Variants in RYR3 observed in about 807,000 individuals in gnomAD.
RYR3 encodes the protein brain ryanodine receptor-calcium release channel.
RYR3 carries 207 observed loss-of-function variants against 584.3 expected under a neutral mutation model. That is an observed-to-expected ratio of 0.35 (90% confidence interval 0.32 to 0.40). RYR3 has a LOEUF of 0.40. RYR3 is among the 10% of genes least tolerant of loss of function. RYR3 has a pLI of 1.00. For missense variants in RYR3, 5,616 were observed against 6,089.2 expected (o/e 0.92, Z 2.59); for synonymous variants, 2,416 against 2,248.5 (o/e 1.07, Z -2.11).
chr15:33,493,862 C>G lies in RYR3; in HGVS notation c.172-9769C>G, dbSNP rs549583846. On this transcript the variant is annotated intron_variant, in intron 2 of 103. Coordinates refer to ENST00000634891, the MANE Select transcript of RYR3 (RefSeq NM_001036.6). ...CTTTAAGAGGCTGAGGCGGGAGAGT[C>G]TCTTGAGCCTAGGAATTGGAGTTCA... is the stretch of plus-strand genomic sequence containing the variant. Among the ~76,000 whole-genome samples, 505 of 152,258 alleles carry G rather than the reference C, an allele frequency of 3.3e-3. 3 individuals carry two copies. Among genetic ancestry groups the G allele is most frequent in the African/African-American group, 0.012 (478 of 41,544 alleles).
At chr15:33,666,062 T>G (rs1262858606) in intron 36 of RYR3, among the ~76,000 whole-genome samples, 1 of 152,188 alleles carries the variant, frequency 6.6e-6, no homozygotes, top group Non-Finnish European at 1.5e-5. Flanking sequence ...TGGGATGCAG[T>G]GGCATGGTAT....
At chr15:33,451,769 A>G (rs2047151051) in intron 1 of RYR3, among the ~76,000 whole-genome samples, 2 of 152,236 alleles carry the variant, frequency 1.3e-5, no homozygotes, top group African/African-American at 4.8e-5. Flanking sequence ...TTTCTGCTTT[A>G]TAGTTTATAG....
At chr15:33,562,086 A>C (rs564674123) in intron 10 of RYR3, among the ~76,000 whole-genome samples, 1 of 152,178 alleles carries the variant, frequency 6.6e-6, no homozygotes, top group Non-Finnish European at 1.5e-5. Flanking sequence ...GCCCTGATTG[A>C]TGAGGAGGGG....
intron 93 of RYR3, 88 bp downstream of exon 93, chr15:33,845,150 T>G: frequency 7.2e-7 from 1 of 1,396,784 alleles, no homozygotes; most frequent in Non-Finnish European, 9.9e-7. Flanking sequence ...CTCTAAGACT[T>G]TGCTAGCCGT....
chr15:33,580,831 A>G (rs1022969385), intron 13 of RYR3, among the ~76,000 whole-genome samples: 1 of 152,182 alleles, frequency 6.6e-6, no homozygotes, highest in Non-Finnish European at 1.5e-5. Context: ...AAACCATCCC[A>G]GCTCAGTCTT....
intron 1 of RYR3, among the ~76,000 whole-genome samples, chr15:33,331,597 T>C (rs919785673): frequency 6.6e-6 from 1 of 151,814 alleles, no homozygotes; most frequent in Non-Finnish European, 1.5e-5. Context: ...TGAGAGAAAA[T>C]AGGATATTCA....
chr15:33,820,919 C>G lies in RYR3; in HGVS notation c.10815+107C>G, dbSNP rs920123654. 9.4e-5 allele frequency: 9 copies of G among 95,408 alleles called. 2 individuals are homozygous for G. The highest frequency in any genetic ancestry group is 1.3e-4 in the Non-Finnish European group (9 of 67,186). 5.9% of individuals were successfully genotyped at this position (95,408 alleles called of 1,614,324 possible). ...CCTATTGAGCATTTCCTGCATTCAG[C>G]CAGAAATACTCAAGTTGACCCCTCA... On this transcript the variant is annotated intron_variant, in intron 78 of 103. Coordinates refer to ENST00000634891, the MANE Select transcript of RYR3 (RefSeq NM_001036.6).
chr15:33,561,597 G>T (rs777858386), intron 10 of RYR3, among the ~76,000 whole-genome samples: 1 of 152,132 alleles, frequency 6.6e-6, no homozygotes, highest in Non-Finnish European at 1.5e-5. Flanking sequence ...CAATACATAT[G>T]CTGCTATTTG....
At chr15:33,677,545 A>G (rs934613771) in intron 38 of RYR3, among the ~76,000 whole-genome samples, 2 of 152,166 alleles carry the variant, frequency 1.3e-5, no homozygotes, top group African/African-American at 4.8e-5. Context: ...GATTTCAAAA[A>G]CAGGCTAATT....
rs375622890 is a variant in RYR3, at chr15:33,503,732, C to T, written c.273C>T (p.Gly91=). 159 of 1,605,616 alleles carry T rather than the reference C, an allele frequency of 9.9e-5. 2 individuals are homozygous for T. In the South Asian group the frequency reaches 1.4e-3, roughly 14 times the overall value. ...EMLANTGENG[G]EGAAQGGGHR... ...TTGCCAACACAGGTGAAAATGGCGGCGAAGGGGTGAGTACCCGAATTGTGT... is the reference window on the plus strand; with the variant it reads ...TTGCCAACACAGGTGAAAATGGCGGTGAAGGGGTGAGTACCCGAATTGTGT... Residue 91 remains glycine (G), a synonymous_variant, in exon 3 of 104, where the codon GGC becomes GGT. Coordinates refer to ENST00000634891, the MANE Select transcript of RYR3 (RefSeq NM_001036.6).
Position 33,662,307 on chromosome 15 carries a change from A to G in RYR3, c.4777A>G (p.Ile1593Val), listed in dbSNP as rs1245096450. Residue 1593 changes from isoleucine (I) to valine (V), a missense_variant, in exon 35 of 104, where the codon ATT (isoleucine) becomes GTT (valine). Coordinates refer to ENST00000634891, the MANE Select transcript of RYR3 (RefSeq NM_001036.6). ...HVDLSQLFYAIDNKYLPGLLR... is the reference protein window; with the variant it reads ...HVDLSQLFYAVDNKYLPGLLR... ...GGACCTCTCCCAGCTCTTCTATGCC[A>G]TTGACAACAAGTACCTCCCCGGCCT... is the stretch of plus-strand genomic sequence containing the variant. 2.5e-6 allele frequency: 4 copies of G among 1,611,654 alleles called. No individual in the cohort carries two copies. In the Admixed American group the frequency reaches 6.7e-5, roughly 27 times the overall value.
intron 55 of RYR3, among the ~76,000 whole-genome samples, chr15:33,748,803 A>G (rs1222698392): frequency 6.6e-6 from 1 of 152,122 alleles, no homozygotes; most frequent in Non-Finnish European, 1.5e-5. Flanking sequence ...ATTCCTCAGC[A>G]TCCATGAAAG....
chr15:33,591,504 T>C, intron 16 of RYR3, among the ~76,000 whole-genome samples: 1 of 152,238 alleles, frequency 6.6e-6, no homozygotes, highest in East Asian at 1.9e-4. Context: ...TACTCCTGTC[T>C]CACCTTGAAC....
At chr15:33,851,454 T>C (rs2079106700) in intron 94 of RYR3, 1 of 152,208 alleles carries the variant, frequency 6.6e-6, no homozygotes, top group Non-Finnish European at 1.5e-5. Context: ...AAGCATCTTG[T>C]ACTTTTTCCC....
chr15:33,425,106 C>T (rs2044512915), intron 1 of RYR3, among the ~76,000 whole-genome samples: 1 of 152,196 alleles, frequency 6.6e-6, no homozygotes, highest in Admixed American at 6.5e-5. Context: ...TAAAAGTGCA[C>T]CATGGATGAA....
At position 33,746,087 on chromosome 15, in the gene RYR3, A is replaced by G; in HGVS notation, c.7919A>G (p.Tyr2640Cys). 1 of 1,597,606 alleles carries G rather than the reference A, an allele frequency of 6.3e-7. No individual in the cohort carries two copies. The highest frequency in any genetic ancestry group is 8.5e-7 in the Non-Finnish European group (1 of 1,171,558). ...CTACAGAGTCAGAGTGGATGGAAAT[A>G]TGGGATTTCCCTGGATGAAAATGTG... ...ACDKSQSGWK[Y>C]GISLDENVKT... Residue 2640 changes from tyrosine (Y) to cysteine (C), a missense_variant, in exon 53 of 104, where the codon TAT (tyrosine) becomes TGT (cysteine). Coordinates refer to ENST00000634891, the MANE Select transcript of RYR3 (RefSeq NM_001036.6).
At chr15:33,557,695 C>A (rs3794583) in intron 10 of RYR3, among the ~76,000 whole-genome samples, 27,090 of 152,044 alleles carry the variant, frequency 0.18, 2,795 homozygotes, top group Admixed American at 0.29. Context: ...GTTCTAATTC[C>A]TTTCTTCATC....
chr15:33,725,138 C>T (rs1829245695), intron 45 of RYR3, among the ~76,000 whole-genome samples: 1 of 149,932 alleles, frequency 6.7e-6, no homozygotes, highest in Admixed American at 6.7e-5. Context: ...CTTACTGCCT[C>T]TCTGCTCCAA....
chr15:33,810,712 C>G (rs1357026881), intron 71 of RYR3, 63 bp downstream of exon 71: 1 of 1,597,880 alleles, frequency 6.3e-7, no homozygotes, highest in Non-Finnish European at 8.6e-7. Context: ...AAGCATTCAG[C>G]CCCTGAAGGG....
Sources: gnomAD v4.1 joint callset for allele counts (sites outside exome capture counted in the v4.1 genomes callset) on GRCh38, gnomAD v4.1.1 for gene constraint, MANE v1.5 for transcripts, NCBI Gene and HGNC (gene_info 2026-07-23, HGNC 2026-07-21) for gene names.